Variants in CHRNA9 observed in about 807,000 individuals in gnomAD.
CHRNA9 encodes the protein cholinergic receptor nicotinic alpha 9 subunit, also known as neuronal acetylcholine receptor subunit alpha-9.
A neutral mutation model predicts 36.8 loss-of-function variants in CHRNA9; 24 were observed. That is an observed-to-expected ratio of 0.65 (90% confidence interval 0.47 to 0.92). The LOEUF is 0.92. Ranked by LOEUF, CHRNA9 falls within the 40% of genes least tolerant of loss-of-function variation. The pLI is 0.00. For synonymous variants in CHRNA9, 231 were observed against 231.8 expected (o/e 1.00, Z 0.03); for missense variants, 610 against 601.2 (o/e 1.01, Z -0.15).
intron 3 of CHRNA9, among the ~76,000 whole-genome samples, chr4:40,340,593 A>G (rs971185777): frequency 6.6e-6 from 1 of 152,182 alleles, no homozygotes; most frequent in Non-Finnish European, 1.5e-5. Flanking sequence ...AGAAGCAGGT[A>G]CAGAACATCA....
In CHRNA9 at chr4:40,353,219, G is replaced by A. The variant is rs1166650558; in HGVS notation, c.899-760G>A. Among the ~76,000 whole-genome samples, 12 of 152,236 alleles carry A rather than the reference G, an allele frequency of 7.9e-5. No homozygotes were observed. In the South Asian group the frequency reaches 8.3e-4, roughly 11 times the overall value. The stretch of plus-strand genomic sequence containing the variant: ...AAAAGTCTATACTATAGCCCGGCGC[G>A]GTGGCTCACGCCTGTAATTCTAGCA... On this transcript the variant is annotated intron_variant, in intron 4 of 4. Transcript: ENST00000310169.
Position 40,349,402 on chromosome 4 carries a change from G to A in CHRNA9, c.886G>A (p.Val296Met). ...VAEIMPASEN[V>M]PLIGKYYIAT... ...AGAAATCATGCCGGCCTCAGAAAAT[G>A]TGCCCCTGATAGGTGAGTCCAAGTG... is the stretch of plus-strand genomic sequence containing the variant. Residue 296 changes from valine (V) to methionine (M), a missense_variant, in exon 4 of 5, where the codon GTG becomes ATG. By Grantham distance (21) the Val-to-Met change is conservative. Coordinates refer to ENST00000310169, the MANE Select transcript of CHRNA9 (RefSeq NM_017581.4). 3 of 1,613,074 alleles carry A rather than the reference G, an allele frequency of 1.9e-6. No homozygotes were observed. The highest frequency in any genetic ancestry group is 2.5e-6 in the Non-Finnish European group (3 of 1,179,448).
At chr4:40,340,883 A>T (rs1712479489) in intron 3 of CHRNA9, among the ~76,000 whole-genome samples, 3 of 151,686 alleles carry the variant, frequency 2.0e-5, no homozygotes, top group Admixed American at 2.0e-4. Flanking sequence ...GTAATCAGAG[A>T]GAAAGTAAGG....
In CHRNA9 at chr4:40,337,234, G is replaced by A. The variant is rs774774039; in HGVS notation, c.235G>A (p.Ala79Thr). The change falls in exon 3 of 5, where the codon GCT becomes ACT. Residue 79 changes from alanine to threonine, a missense_variant. Transcript: ENST00000310169. ...GGATGAAAGAAACCAAATTCTGACT[G>A]CTTATTTGTGGATCCGCCAAATCTG... is the stretch of plus-strand genomic sequence containing the variant. Reference protein sequence around the residue: ...DMDERNQILTAYLWIRQIWHD... With the variant: ...DMDERNQILTTYLWIRQIWHD... 1 of 1,614,208 alleles carries A rather than the reference G, an allele frequency of 6.2e-7. No homozygotes were observed. The highest frequency in any genetic ancestry group is 8.5e-7 in the Non-Finnish European group (1 of 1,180,018).
rs749934894 is a variant in CHRNA9 at position 40,337,344 on chromosome 4, A to C, written c.345A>C (p.Pro115=). ...TCCCCAGTGACCTCGTGTGGAGGCC[A>C]GACATCGTCTTATATAACAAGTAAG... ...IRIPSDLVWR[P]DIVLYNKADD... The change falls in exon 3 of 5, where the codon CCA becomes CCC. Residue 115 remains proline (P), a synonymous_variant. Coordinates refer to ENST00000310169, the MANE Select transcript of CHRNA9 (RefSeq NM_017581.4). The C allele has an allele frequency of 6.2e-7, 1 of 1,614,250 alleles. No individual in the cohort carries two copies. Among genetic ancestry groups the C allele is most frequent in the East Asian group, 2.2e-5 (1 of 44,894 alleles).
At chr4:40,343,688 T>A (rs1288392783) in intron 3 of CHRNA9, among the ~76,000 whole-genome samples, 1 of 152,206 alleles carries the variant, frequency 6.6e-6, no homozygotes, top group Non-Finnish European at 1.5e-5. Flanking sequence ...TTATTAAACA[T>A]GCCTTCCCAA....
intron 3 of CHRNA9, among the ~76,000 whole-genome samples, chr4:40,343,446 T>C (rs1157257056): frequency 1.3e-5 from 2 of 152,040 alleles, no homozygotes; most frequent in African/African-American, 4.8e-5. Flanking sequence ...AACCATCAGA[T>C]CTCATGAGAT....
intron 1 of CHRNA9, 55 bp downstream of exon 1, chr4:40,335,586 G>C (rs879017555): frequency 7.2e-7 from 1 of 1,380,936 alleles, no homozygotes; most frequent in Non-Finnish European, 1.0e-6. Context: ...TATTGCTTTG[G>C]TGGGAGGTGG....
rs751619846 is a variant in CHRNA9, at chr4:40,335,547, C to T, written c.64+16C>T. 2 of 1,597,926 alleles carry T rather than the reference C, an allele frequency of 1.3e-6. No individual in the cohort carries two copies. Among genetic ancestry groups the T allele is most frequent in the Non-Finnish European group, 1.7e-6 (2 of 1,165,124 alleles). On this transcript the variant is annotated intron_variant, in intron 1 of 4. Coordinates refer to ENST00000310169, the MANE Select transcript of CHRNA9 (RefSeq NM_017581.4). The stretch of plus-strand genomic sequence containing the variant: ...AGACTGAGAGGTGAGAGGCTGGTGA[C>T]ACGTAACCTATCTTGTCTCATCTGG...
intron 1 of CHRNA9, 101 bp downstream of exon 1, chr4:40,335,632 G>C (rs989984888): frequency 7.6e-6 from 8 of 1,059,364 alleles, no homozygotes; most frequent in Non-Finnish European, 1.2e-5. Flanking sequence ...TGATTCAACC[G>C]CATGGAAGTG....
Position 40,354,271 on chromosome 4 carries a change from C to G in CHRNA9, c.1191C>G (p.Asn397Lys), listed in dbSNP as rs753478367. The G allele has an allele frequency of 8.1e-6, 13 of 1,614,076 alleles. No individual in the cohort carries two copies. Among genetic ancestry groups the G allele is most frequent in the Non-Finnish European group, 1.1e-5 (13 of 1,180,032 alleles). Residue 397 changes from asparagine (N) to lysine (K), a missense_variant, in exon 5 of 5, where the codon AAC (asparagine) becomes AAG (lysine). Coordinates refer to ENST00000310169, the MANE Select transcript of CHRNA9 (RefSeq NM_017581.4). Reference sequence around the variant, plus strand: ...ACCTTTCCAGAAAGAAGGACATGAACAAACGCTTAAAGAACGACCTGGGCT... The same window carrying G: ...ACCTTTCCAGAAAGAAGGACATGAAGAAACGCTTAAAGAACGACCTGGGCT... ...NKDLSRKKDMNKRLKNDLGCQ... is the reference protein window; with the variant it reads ...NKDLSRKKDMKKRLKNDLGCQ...
rs191661999 is a variant in CHRNA9 at position 40,340,561 on chromosome 4, A to G, written c.365+3197A>G. Among the ~76,000 whole-genome samples the G allele has an allele frequency of 2.6e-3, 399 of 152,342 alleles. 1 individual carries two copies. Among genetic ancestry groups the G allele is most frequent in the Non-Finnish European group, 4.4e-3 (300 of 68,028 alleles). On this transcript the variant is annotated intron_variant, in intron 3 of 4. Transcript: ENST00000310169. ...TGACTCTGTAGAATCTTCTGATGCC[A>G]GATACAATATCATTGCTTCTCAGAA...
intron 3 of CHRNA9, among the ~76,000 whole-genome samples, chr4:40,346,235 G>C (rs1712634929): frequency 6.6e-6 from 1 of 152,208 alleles, no homozygotes; most frequent in African/African-American, 2.4e-5. Context: ...TCTTCGGCTG[G>C]ATGTGTGCCC....
chr4:40,347,290 A>G (rs867186438), intron 3 of CHRNA9, among the ~76,000 whole-genome samples: 7 of 152,180 alleles, frequency 4.6e-5, no homozygotes, highest in Non-Finnish European at 8.8e-5. Context: ...GTTCTGACCC[A>G]GCACATCCTT....
chr4:40,353,859 C>A (rs1461380072), intron 4 of CHRNA9, 120 bp from the exon 5 acceptor site: 2 of 926,352 alleles, frequency 2.2e-6, no homozygotes, highest in Non-Finnish European at 1.6e-6. Flanking sequence ...GTTCACACAA[C>A]AGCAAAATCA....
At chr4:40,343,233 G>A (rs1016839694) in intron 3 of CHRNA9, among the ~76,000 whole-genome samples, 5 of 152,176 alleles carry the variant, frequency 3.3e-5, no homozygotes, top group Non-Finnish European at 7.3e-5. Context: ...AGGAGAGGGG[G>A]CTGCCTGTAT....
intron 2 of CHRNA9, 58 bp downstream of exon 2, chr4:40,336,030 C>G: frequency 7.0e-7 from 1 of 1,421,410 alleles, no homozygotes; most frequent in Non-Finnish European, 9.8e-7. Flanking sequence ...AACAACCATG[C>G]TTTCTGAAGA....
At chr4:40,339,819 T>C (rs112040630) in intron 3 of CHRNA9, among the ~76,000 whole-genome samples, 21,338 of 151,716 alleles carry the variant, frequency 0.14, 1,537 homozygotes, top group African/African-American at 0.16. Flanking sequence ...CATGCCACCA[T>C]GCCTAGTTAT....
intron 4 of CHRNA9, 78 bp downstream of exon 4, chr4:40,349,492 T>G: frequency 7.1e-7 from 1 of 1,402,942 alleles, no homozygotes; most frequent in Non-Finnish European, 9.7e-7. Context: ...GTGTGTGCCT[T>G]TAAACTTGAA....
Sources: allele counts gnomAD v4.1 joint callset (sites outside exome capture counted in the v4.1 genomes callset), GRCh38; gene constraint gnomAD v4.1.1; transcripts MANE v1.5; gene names NCBI Gene and HGNC (gene_info 2026-07-23, HGNC 2026-07-21).